POLQ: variants seen among roughly 807,000 people sequenced by gnomAD.
POLQ encodes the protein DNA polymerase theta, also known as epididymis secretory sperm binding protein.
In POLQ, 233 loss-of-function variants were observed where a neutral mutation model predicts 259.2. The ratio of observed to expected loss-of-function variants is 0.90; its 90% CI spans 0.81 to 1.00. The LOEUF (loss-of-function observed/expected upper bound fraction) is 1.00. Among genes scored for constraint, POLQ ranks in the 50% least tolerant of loss-of-function variants. The pLI is 0.00. For missense variants in POLQ, 2,871 were observed against 3,051.6 expected (o/e 0.94, Z 1.39); for synonymous variants, 1,025 against 1,048.8 (o/e 0.98, Z 0.44).
chr3:121,512,064 A>G lies in POLQ; in HGVS notation c.1469-35T>C, dbSNP rs769731994. ...AAAGATACACATTTGCAAAATCCCA[A>G]TATAGTTCCATAAGATATCTGCTAA... On this transcript the variant is annotated intron_variant, in intron 9 of 29. Coordinates refer to ENST00000264233, the MANE Select transcript of POLQ (RefSeq NM_199420.4). 38 of 1,572,442 alleles carry G rather than the reference A, an allele frequency of 2.4e-5. 1 individual carries two copies. The South Asian group carries it at 3.5e-4, about 15-fold the overall frequency.
intron 25 of POLQ, 57 bp from the exon 26 acceptor site, chr3:121,449,483 G>A: frequency 1.1e-6 from 1 of 935,348 alleles, no homozygotes; most frequent in Non-Finnish European, 1.7e-6. Flanking sequence ...GCAAATAAAA[G>A]GGTTCATTAG....
In POLQ at chr3:121,449,414, T is replaced by C. The variant is rs765046525; in HGVS notation, c.7165A>G (p.Ile2389Val). ...GATTTAGCTCCCATTCCATAAATGATCCCATAGCAAATCTGAAAGGGAGTC... is the reference window on the plus strand; with the variant it reads ...GATTTAGCTCCCATTCCATAAATGACCCCATAGCAAATCTGAAAGGGAGTC... Reference protein sequence around the residue: ...RQQAKQICYGIIYGMGAKSLG... With the variant: ...RQQAKQICYGVIYGMGAKSLG... Residue 2389 changes from isoleucine (I) to valine (V), a missense_variant, in exon 26 of 30, where the codon ATC (isoleucine) becomes GTC (valine). Around this residue, in one of 3 missense-constraint regions of POLQ, gnomAD observed 2,080 missense variants for 2,126.0 expected, o/e 0.98. Coordinates refer to ENST00000264233, the MANE Select transcript of POLQ (RefSeq NM_199420.4). 1.3e-6 allele frequency: 2 copies of C among 1,572,988 alleles called. No homozygotes were observed. The highest frequency in any genetic ancestry group is 1.3e-5 in the African/African-American group (1 of 74,206).
intron 7 of POLQ, among the ~76,000 whole-genome samples, chr3:121,528,198 T>C (rs566294238): frequency 6.6e-6 from 1 of 152,256 alleles, no homozygotes; most frequent in South Asian, 2.1e-4. Context: ...CTCGGCTCAC[T>C]GCAGCCTCCA....
At chr3:121,472,910 T>A (rs1179703354) in intron 21 of POLQ, among the ~76,000 whole-genome samples, 1 of 152,222 alleles carries the variant, frequency 6.6e-6, no homozygotes, top group Non-Finnish European at 1.5e-5. Context: ...ACAATTGTAC[T>A]TTGAAATTAG....
intron 22 of POLQ, among the ~76,000 whole-genome samples, chr3:121,471,508 G>A (rs547236160): frequency 3.3e-4 from 50 of 152,216 alleles, no homozygotes; most frequent in African/African-American, 1.1e-3. Flanking sequence ...TTGGGAGGCC[G>A]AGGCAGGTGG....
intron 26 of POLQ, among the ~76,000 whole-genome samples, chr3:121,442,408 C>A (rs950742799): frequency 2.0e-5 from 3 of 152,262 alleles, no homozygotes; most frequent in Non-Finnish European, 2.9e-5. Context: ...CTAACTATTT[C>A]TTTGTACCTA....
chr3:121,435,615 A>C (rs995373958), intron 28 of POLQ, among the ~76,000 whole-genome samples: 61 of 152,334 alleles, frequency 4.0e-4, no homozygotes, highest in African/African-American at 1.4e-3. Context: ...CATCCTGGGA[A>C]ACTCATCCGT....
At position 121,511,771 on chromosome 3, in the gene POLQ, C is replaced by T. The variant is rs184160919; in HGVS notation, c.1611+116G>A. On this transcript the variant is annotated intron_variant, in intron 10 of 29. Transcript: ENST00000264233. Reference sequence around the variant, plus strand: ...CCGGCCTGGGTAACAGAGTGAGACTCTGTCTCAAAAATAAATTAAAAAAAA... The same window carrying T: ...CCGGCCTGGGTAACAGAGTGAGACTTTGTCTCAAAAATAAATTAAAAAAAA... The T allele has an allele frequency of 1.2e-3, 952 of 822,930 alleles. 2 individuals carry two copies. Among genetic ancestry groups the T allele is most frequent in the Non-Finnish European group, 1.4e-3 (761 of 551,940 alleles). The allele number at this position is 822,930 out of a possible 1,614,324, so 51.0% of individuals were successfully genotyped here.
rs777742957 is a variant in POLQ, at chr3:121,488,428, T to C, written c.4503A>G (p.Lys1501=). 2.5e-6 allele frequency: 4 copies of C among 1,612,680 alleles called. No homozygotes were observed. The South Asian group carries it at 4.4e-5, about 18-fold the overall frequency. The change falls in exon 16 of 30, where the codon AAA becomes AAG. Residue 1501 remains lysine (K), a synonymous_variant. Coordinates refer to ENST00000264233, the MANE Select transcript of POLQ (RefSeq NM_199420.4). ...FDSFSDDYLV[K]EQLPDMQMKE... is the part of the protein sequence containing the mutation. Reference sequence around the variant, plus strand: ...TCATTTGCATATCAGGTAATTGTTCTTTTACTAGATAGTCATCACTGAAGC... The same window carrying C: ...TCATTTGCATATCAGGTAATTGTTCCTTTACTAGATAGTCATCACTGAAGC...
intron 7 of POLQ, among the ~76,000 whole-genome samples, chr3:121,525,322 A>C (rs1460550512): frequency 4.6e-5 from 7 of 150,592 alleles, no homozygotes; most frequent in Admixed American, 4.0e-4. Context: ...GCCTGGGCAA[A>C]AGACGGAGAC....
chr3:121,468,218 A>T, intron 23 of POLQ, 87 bp downstream of exon 23: 1 of 1,114,086 alleles, frequency 9.0e-7, no homozygotes, highest in Non-Finnish European at 1.3e-6. Flanking sequence ...AAATTAAATT[A>T]ATTTCATTTA....
Position 121,487,407 on chromosome 3 carries a change from T to C in POLQ, c.5524A>G (p.Lys1842Glu). The C allele has an allele frequency of 6.2e-7, 1 of 1,614,074 alleles. No individual in the cohort carries two copies. Among genetic ancestry groups the C allele is most frequent in the Non-Finnish European group, 8.5e-7 (1 of 1,179,958 alleles). Reference protein sequence around the residue: ...SDQNLFQTFIKEWRCKKRFSI... With the variant: ...SDQNLFQTFIEEWRCKKRFSI... ...AATCGCTTTTTGCACCGCCACTCCT[T>C]AATGAATGTTTGGAAAAGATTTTGG... The change falls in exon 16 of 30, where the codon AAG (lysine) becomes GAG (glutamate). Residue 1842 changes from lysine (K) to glutamate (E), a missense_variant. Lys to Glu is a moderately conservative substitution (Grantham distance 56). Transcript: ENST00000264233.
intron 14 of POLQ, chr3:121,494,869 A>G: frequency 3.8e-6 from 6 of 1,585,092 alleles, no homozygotes; most frequent in Non-Finnish European, 5.1e-6. Context: ...CCAAGCTCGA[A>G]AAGGCAAAGG....
Position 121,489,552 on chromosome 3 carries a change from T to C in POLQ, c.3379A>G (p.Thr1127Ala), listed in dbSNP as rs778856258. Residue 1127 changes from threonine to alanine, a missense_variant, in exon 16 of 30, where the codon ACA becomes GCA. Thr to Ala is a moderately conservative substitution (Grantham distance 58, BLOSUM62 0). This residue lies in a region of POLQ where 2,080 missense variants were observed against 2,126.0 expected (regional missense o/e 0.98). Transcript: ENST00000264233. ...QIKQNCSWNI[T>A]LTNDNFVEHI... The stretch of plus-strand genomic sequence containing the variant: ...TCCACAAAATTATCATTAGTTAGTG[T>C]TATGTTCCATGAACAATTTTGCTTT... 1 of 1,613,376 alleles carries C rather than the reference T, an allele frequency of 6.2e-7. No homozygotes were observed. The highest frequency in any genetic ancestry group is 1.1e-5 in the South Asian group (1 of 90,888).
At chr3:121,454,964 T>G (rs12826913) in intron 25 of POLQ, among the ~76,000 whole-genome samples, 3 of 151,946 alleles carry the variant, frequency 2.0e-5, no homozygotes, top group African/African-American at 4.8e-5. Flanking sequence ...TATTCCAAAA[T>G]TGACCACATA....
intron 13 of POLQ, among the ~76,000 whole-genome samples, chr3:121,497,495 G>A (rs1416128752): frequency 1.3e-5 from 2 of 151,902 alleles, no homozygotes; most frequent in Non-Finnish European, 1.5e-5. Context: ...GGAGTGCAGT[G>A]GCGCAATCTT....
chr3:121,445,153 C>A (rs531851803), intron 26 of POLQ, among the ~76,000 whole-genome samples: 15 of 152,238 alleles, frequency 9.9e-5, no homozygotes, highest in African/African-American at 2.9e-4. Context: ...CTCTCCTCTT[C>A]TATTTTCCAG....
At chr3:121,534,301 T>C (rs2048435017) in intron 5 of POLQ, among the ~76,000 whole-genome samples, 1 of 152,180 alleles carries the variant, frequency 6.6e-6, no homozygotes, top group African/African-American at 2.4e-5. Context: ...TCTGTTTTTA[T>C]TAGTTTATCA....
At chr3:121,485,304 T>A in intron 16 of POLQ, 120 bp from the exon 17 acceptor site, 1 of 603,674 alleles carries the variant, frequency 1.7e-6, no homozygotes, top group Admixed American at 3.5e-5. Flanking sequence ...GATCTTAAAA[T>A]ATGCATTTGG....
Sources: gnomAD v4.1 joint callset for allele counts (sites outside exome capture counted in the v4.1 genomes callset) on GRCh38, gnomAD v4.1.1 for gene constraint, gnomAD v4.1.1 regional missense constraint, MANE v1.5 for transcripts, NCBI Gene and HGNC (gene_info 2026-07-23, HGNC 2026-07-21) for gene names.